PUM2: variants seen among roughly 807,000 people sequenced by gnomAD.
PUM2 encodes the protein pumilio homolog 2.
A neutral mutation model predicts 124.5 loss-of-function variants in PUM2; 57 were observed. The observed-to-expected ratio is 0.46, with a 90% confidence interval of 0.37 to 0.57. The LOEUF (loss-of-function observed/expected upper bound fraction) is 0.57, where lower values mean the gene tolerates loss of function less well. Among genes scored for constraint, PUM2 ranks in the 20% least tolerant of loss-of-function variants. The pLI, the probability that PUM2 is intolerant of heterozygous loss-of-function variation, is 0.00. For synonymous variants in PUM2, 460 were observed against 446.1 expected, an observed-to-expected ratio of 1.03 and a Z score of -0.39; for missense variants, 1,065 against 1,290.6, an observed-to-expected ratio of 0.83 and a Z score of 2.68.
At chr2:20,294,309 CT>C in intron 9 of PUM2, 66 bp downstream of exon 9, 1 of 1,555,902 alleles carries the variant, frequency 6.4e-7, no homozygotes, top group South Asian at 1.2e-5. Flanking sequence ...AAACACAAAT[CT>C]TAAACATTAG....
At chr2:20,283,297 C>T (rs761852341) in intron 11 of PUM2, 46 bp downstream of exon 11, 9 of 1,609,206 alleles carry the variant, frequency 5.6e-6, no homozygotes, top group Non-Finnish European at 7.6e-6. Flanking sequence ...AAAATGGTAT[C>T]TCAACACCAG....
In PUM2 at chr2:20,327,381, GT is replaced by G; in HGVS notation, c.-18-4del. Reference sequence around the variant, plus strand: ...TTCATTTCATCCACAGATCAAACCTGTTGAATAACAAAAACAAAAATTAGTA... The same window carrying G: ...TTCATTTCATCCACAGATCAAACCTGTGAATAACAAAAACAAAAATTAGTA... On this transcript the variant is annotated splice_polypyrimidine_tract_variant and splice_region_variant and intron_variant, in intron 1 of 20. Coordinates refer to ENST00000361078, the MANE Select transcript of PUM2 (RefSeq NM_015317.5). 6.5e-7 allele frequency: 1 copy of G among 1,544,520 alleles called. No individual in the cohort carries two copies. The highest frequency in any genetic ancestry group is 8.8e-7 in the Non-Finnish European group (1 of 1,131,834).
intron 17 of PUM2, among the ~76,000 whole-genome samples, chr2:20,255,698 G>A (rs1023491229): frequency 7.2e-5 from 11 of 152,134 alleles, no homozygotes; most frequent in African/African-American, 2.4e-4. Context: ...TGTGTTTTCT[G>A]TCTTATTATA....
intron 3 of PUM2, among the ~76,000 whole-genome samples, chr2:20,313,913 C>T (rs535886269): frequency 4.1e-5 from 6 of 148,040 alleles, no homozygotes; most frequent in Admixed American, 3.4e-4. Flanking sequence ...CAGACTGAGG[C>T]GGGTGGACTG....
chr2:20,274,858 A>G (rs141191220), intron 13 of PUM2, among the ~76,000 whole-genome samples: 313 of 151,094 alleles, frequency 2.1e-3, no homozygotes, highest in African/African-American at 7.3e-3. Context: ...GTTTATTAGA[A>G]GAAGGAAAAC....
At chr2:20,343,976 T>C (rs1687727330) in intron 1 of PUM2, among the ~76,000 whole-genome samples, 1 of 152,196 alleles carries the variant, frequency 6.6e-6, no homozygotes, top group African/African-American at 2.4e-5. Flanking sequence ...GATGGAGCAT[T>C]ATTGAGGCAA....
intron 1 of PUM2, among the ~76,000 whole-genome samples, chr2:20,333,715 C>A (rs1250079380): frequency 1.3e-5 from 2 of 152,110 alleles, no homozygotes; most frequent in African/African-American, 4.8e-5. Context: ...GAGTTCAAGA[C>A]CAGCCCTTGC....
intron 16 of PUM2, among the ~76,000 whole-genome samples, chr2:20,257,723 C>T (rs954021433): frequency 1.3e-5 from 2 of 152,002 alleles, no homozygotes; most frequent in African/African-American, 2.4e-5. Flanking sequence ...TTAGACTTTC[C>T]ATCCAATAAC....
intron 15 of PUM2, among the ~76,000 whole-genome samples, chr2:20,258,857 C>A (rs1001821553): frequency 2.5e-4 from 37 of 150,602 alleles, no homozygotes; most frequent in South Asian, 2.1e-4. Context: ...TTAGTAGAGA[C>A]GGGGTTTCAC....
chr2:20,286,755 G>C (rs1003121343), intron 10 of PUM2, among the ~76,000 whole-genome samples: 4 of 151,604 alleles, frequency 2.6e-5, no homozygotes, highest in African/African-American at 7.3e-5. Flanking sequence ...TTCATTTCCA[G>C]CCTAATTTTC....
chr2:20,294,413 T>A lies in PUM2; in HGVS notation c.1115A>T (p.Gln372Leu). ...AGGCTGAGCTTGTGATGCTGCTTGC[T>A]GACTGGCTGTGTTATTTGCCGCAGC... ...AAAAANNTASQQAASQAQPGQ... is the reference protein window; with the variant it reads ...AAAAANNTASLQAASQAQPGQ... Residue 372 changes from glutamine to leucine, a missense_variant, in exon 9 of 21, where the codon CAG (glutamine) becomes CTG (leucine). Physicochemically the swap from Gln to Leu is moderately radical, Grantham distance 113. This residue lies in a region of PUM2 where 968 missense variants were observed against 1,159.8 expected (regional missense o/e 0.83). Transcript: ENST00000361078. 1 of 1,614,200 alleles carries A rather than the reference T, an allele frequency of 6.2e-7. No homozygotes were observed. The highest frequency in any genetic ancestry group is 8.5e-7 in the Non-Finnish European group (1 of 1,180,040).
chr2:20,319,667 T>C (rs1681839397), intron 2 of PUM2, among the ~76,000 whole-genome samples: 1 of 152,198 alleles, frequency 6.6e-6, no homozygotes, highest in Non-Finnish European at 1.5e-5. Flanking sequence ...AGTAAACCAT[T>C]AATAAACGCA....
At chr2:20,275,383 A>T (rs1670007669) in intron 13 of PUM2, among the ~76,000 whole-genome samples, 3 of 152,082 alleles carry the variant, frequency 2.0e-5, no homozygotes, top group African/African-American at 7.2e-5. Flanking sequence ...AAGTAAAGGA[A>T]AGAATCTTGC....
At chr2:20,313,830 T>A (rs1225157532) in intron 3 of PUM2, among the ~76,000 whole-genome samples, 2 of 100,950 alleles carry the variant, frequency 2.0e-5, no homozygotes, top group Non-Finnish European at 3.7e-5. Context: ...AGTGAGATCC[T>A]GTCTCAAAAA....
intron 12 of PUM2, among the ~76,000 whole-genome samples, chr2:20,282,746 C>A (rs1333384651): frequency 6.6e-6 from 1 of 152,124 alleles, no homozygotes; most frequent in Non-Finnish European, 1.5e-5. Context: ...GAGTAAAGAA[C>A]AGGCTGCCTA....
At chr2:20,333,843 C>T (rs551667014) in intron 1 of PUM2, among the ~76,000 whole-genome samples, 7 of 152,138 alleles carry the variant, frequency 4.6e-5, no homozygotes, top group South Asian at 2.1e-4. Flanking sequence ...ATCATGGGGG[C>T]GGAGTTCTCA....
chr2:20,269,609 C>A (rs1197050935), intron 13 of PUM2, among the ~76,000 whole-genome samples: 2 of 152,152 alleles, frequency 1.3e-5, no homozygotes, highest in African/African-American at 4.8e-5. Flanking sequence ...TCTTCCACAT[C>A]ATTTTAATAG....
At chr2:20,301,500 AT>A (rs373055620) in intron 7 of PUM2, among the ~76,000 whole-genome samples, 14 of 152,316 alleles carry the variant, frequency 9.2e-5, no homozygotes, top group African/African-American at 3.1e-4. Flanking sequence ...ATACTCATTC[AT>A]TTTGTACTCT....
upstream of PUM2, chr2:20,352,199 C>T (rs571898615): frequency 6.6e-6 from 1 of 152,274 alleles, no homozygotes; most frequent in Non-Finnish European, 1.5e-5. Flanking sequence ...CCAAGTAATT[C>T]TGGAGACAGT....
Sources: allele counts gnomAD v4.1 joint callset (sites outside exome capture counted in the v4.1 genomes callset), GRCh38; gene constraint gnomAD v4.1.1; regional missense constraint gnomAD v4.1.1; transcripts MANE v1.5; gene names NCBI Gene and HGNC (gene_info 2026-07-23, HGNC 2026-07-21).